The following LDB2 variants were observed in gnomAD, a reference collection of about 807,000 sequenced individuals.
LDB2 encodes LIM domain-binding protein 2.
Under a neutral mutation model 44.3 loss-of-function variants are expected in LDB2, and 12 were observed. The observed-to-expected ratio is 0.27, with a 90% CI of 0.17 to 0.44. LDB2 has a LOEUF of 0.44. LDB2 is among the 20% of genes least tolerant of loss of function. The pLI, the probability that LDB2 is intolerant of heterozygous loss-of-function variation, is 1.00. For missense variants in LDB2, 344 were observed against 473.5 expected, an observed-to-expected ratio of 0.73 and a Z score of 2.54; for synonymous variants, 164 against 174.8, an observed-to-expected ratio of 0.94 and a Z score of 0.49.
At chr4:16,514,472 T>C (rs1191751904) in intron 5 of LDB2, among the ~76,000 whole-genome samples, 1 of 152,190 alleles carries the variant, frequency 6.6e-6, no homozygotes, top group Admixed American at 6.6e-5. Context: ...AAATCCATCC[T>C]CTTCTCACTT....
intron 1 of LDB2, among the ~76,000 whole-genome samples, chr4:16,882,122 T>C (rs1049647704): frequency 6.6e-6 from 1 of 152,194 alleles, no homozygotes; most frequent in Non-Finnish European, 1.5e-5. Context: ...TCTCAACAGC[T>C]CACTCTTGGC....
intron 2 of LDB2, among the ~76,000 whole-genome samples, chr4:16,712,041 T>C (rs1344066559): frequency 4.0e-5 from 6 of 151,858 alleles, no homozygotes; most frequent in Non-Finnish European, 5.9e-5. Context: ...GCACAGTCCA[T>C]AAAAGAAAAA....
At chr4:16,664,790 A>C (rs145663478) in intron 2 of LDB2, among the ~76,000 whole-genome samples, 1 of 152,172 alleles carries the variant, frequency 6.6e-6, no homozygotes. Flanking sequence ...ATAGGTGCAC[A>C]TTTGTACTCT....
intron 6 of LDB2, among the ~76,000 whole-genome samples, chr4:16,511,044 T>C (rs955599724): frequency 6.6e-6 from 1 of 152,188 alleles, no homozygotes; most frequent in Non-Finnish European, 1.5e-5. Flanking sequence ...AAGATGGGGA[T>C]GTAACTATTC....
At chr4:16,711,357 C>T (rs551802095) in intron 2 of LDB2, among the ~76,000 whole-genome samples, 18 of 152,148 alleles carry the variant, frequency 1.2e-4, no homozygotes, top group Admixed American at 3.9e-4. Flanking sequence ...GGCTCTCTCG[C>T]GTGCTCAAAG....
intron 2 of LDB2, among the ~76,000 whole-genome samples, chr4:16,623,372 C>T (rs1025089958): frequency 3.9e-5 from 6 of 152,080 alleles, no homozygotes; most frequent in Non-Finnish European, 8.8e-5. Context: ...CCGAGGCGGG[C>T]GGATTACCTG....
chr4:16,679,995 C>T (rs1399545795), intron 2 of LDB2, among the ~76,000 whole-genome samples: 1 of 152,112 alleles, frequency 6.6e-6, no homozygotes, highest in Non-Finnish European at 1.5e-5. Context: ...TTTATAAGCC[C>T]CCCAAATTCC....
chr4:16,767,947 T>G (rs2109313116), intron 1 of LDB2, among the ~76,000 whole-genome samples: 1 of 152,276 alleles, frequency 6.6e-6, no homozygotes. Flanking sequence ...GCATTTTGCT[T>G]CCATCCTAGA....
rs184343824 is a variant in LDB2 at position 16,514,068 on chromosome 4, C to A, written c.616-1964G>T. ...ACAAAGAAGAATCTGAACAGACAGGCCTTGCTGCGTTTCCCTATTCAGTTA... is the reference window on the plus strand; with the variant it reads ...ACAAAGAAGAATCTGAACAGACAGGACTTGCTGCGTTTCCCTATTCAGTTA... On this transcript the variant is annotated intron_variant, in intron 5 of 7. Transcript: ENST00000304523. Among the ~76,000 whole-genome samples the A allele has an allele frequency of 3.2e-3, 488 of 152,240 alleles. 2 individuals are homozygous for A. Among genetic ancestry groups the A allele is most frequent in the African/African-American group, 0.01 (426 of 41,534 alleles).
intron 2 of LDB2, among the ~76,000 whole-genome samples, chr4:16,700,361 T>C (rs1341720766): frequency 6.6e-6 from 1 of 152,168 alleles, no homozygotes; most frequent in Non-Finnish European, 1.5e-5. Flanking sequence ...AATATAAATG[T>C]TTTAAAATAT....
chr4:16,788,976 C>T (rs1362040193), intron 1 of LDB2, among the ~76,000 whole-genome samples: 1 of 152,144 alleles, frequency 6.6e-6, no homozygotes, highest in East Asian at 1.9e-4. Context: ...GGAATGCATG[C>T]TATGGGGTTT....
At chr4:16,529,592 G>T (rs1466199435) in intron 5 of LDB2, among the ~76,000 whole-genome samples, 1 of 152,144 alleles carries the variant, frequency 6.6e-6, no homozygotes, top group Admixed American at 6.5e-5. Context: ...ATTGAAGCTT[G>T]TTTTTATTTT....
intron 2 of LDB2, chr4:16,653,911 A>G (rs13129438): frequency 2.0e-5 from 3 of 152,170 alleles, no homozygotes; most frequent in African/African-American, 7.2e-5. Flanking sequence ...GATTGGGGTA[A>G]CAAATTTGGT....
chr4:16,865,434 A>G (rs1339617483), intron 1 of LDB2, among the ~76,000 whole-genome samples: 1 of 152,132 alleles, frequency 6.6e-6, no homozygotes, highest in Non-Finnish European at 1.5e-5. Context: ...CTTGATGCAC[A>G]GGGGCTCGGG....
chr4:16,709,344 T>A (rs157616), intron 2 of LDB2, among the ~76,000 whole-genome samples: 36,956 of 152,020 alleles, frequency 0.24, 5,248 homozygotes, highest in Non-Finnish European at 0.33. Context: ...CAAGACCCAA[T>A]GGGAAACTCC....
At chr4:16,580,629 T>A (rs796527308) in intron 5 of LDB2, among the ~76,000 whole-genome samples, 40 of 152,342 alleles carry the variant, frequency 2.6e-4, no homozygotes, top group Admixed American at 9.8e-4. Flanking sequence ...AATTTATGAA[T>A]GAAAGCAGAC....
chr4:16,721,487 A>G (rs1219994506), intron 2 of LDB2, among the ~76,000 whole-genome samples: 1 of 152,160 alleles, frequency 6.6e-6, no homozygotes, highest in African/African-American at 2.4e-5. Context: ...TTTTAGAATT[A>G]TTAATTAAAC....
At chr4:16,528,663 G>A (rs1729080634) in intron 5 of LDB2, among the ~76,000 whole-genome samples, 1 of 152,240 alleles carries the variant, frequency 6.6e-6, no homozygotes, top group South Asian at 2.1e-4. Context: ...GACTTGTGCA[G>A]TGCCACCTGC....
intron 2 of LDB2, among the ~76,000 whole-genome samples, chr4:16,643,416 C>T (rs1735764233): frequency 6.6e-6 from 1 of 152,176 alleles, no homozygotes; most frequent in South Asian, 2.1e-4. Context: ...ATCAAGAAGT[C>T]ATTAAGACAA....
Sources: allele counts gnomAD v4.1 joint callset (sites outside exome capture counted in the v4.1 genomes callset), GRCh38; gene constraint gnomAD v4.1.1; transcripts MANE v1.5; gene names NCBI Gene and HGNC (gene_info 2026-07-23, HGNC 2026-07-21).